IRAG1: variants seen among roughly 807,000 people sequenced by gnomAD.
IRAG1 encodes inositol 1,4,5-triphosphate receptor associated 1.
IRAG1 carries 62 observed loss-of-function variants against 106.2 expected under a neutral mutation model. That is an observed-to-expected ratio of 0.58 (90% confidence interval 0.48 to 0.72). The LOEUF (loss-of-function observed/expected upper bound fraction) is 0.72. Among genes scored for constraint, IRAG1 ranks in the 30% least tolerant of loss-of-function variants. IRAG1 has a pLI of 0.00. For missense variants in IRAG1, 1,064 were observed against 1,140.7 expected (o/e 0.93, Z 0.97); for synonymous variants, 462 against 443.9 (o/e 1.04, Z -0.51).
At chr11:10,578,147 T>C (rs140048823) in intron 20 of IRAG1, among the ~76,000 whole-genome samples, 17 of 152,352 alleles carry the variant, frequency 1.1e-4, no homozygotes, top group Non-Finnish European at 2.4e-4. Context: ...ATGCCTGGCC[T>C]ATAAAAGAGT....
At chr11:10,579,104 G>A (rs936558091) in intron 20 of IRAG1, among the ~76,000 whole-genome samples, 6 of 152,160 alleles carry the variant, frequency 3.9e-5, no homozygotes, top group Admixed American at 3.3e-4. Flanking sequence ...AAACTTGGAG[G>A]TTCTTTCACT....
chr11:10,663,785 C>T (rs1317865433), intron 1 of IRAG1, among the ~76,000 whole-genome samples: 2 of 152,230 alleles, frequency 1.3e-5, no homozygotes, highest in Non-Finnish European at 2.9e-5. Flanking sequence ...TCACTTTTCA[C>T]ATGGCCTACT....
At chr11:10,621,878 T>G (rs1203710814) in intron 10 of IRAG1, among the ~76,000 whole-genome samples, 1 of 152,178 alleles carries the variant, frequency 6.6e-6, no homozygotes, top group East Asian at 1.9e-4. Context: ...TATGATTCCA[T>G]TTCTAGGAGG....
Position 10,693,678 on chromosome 11 carries a change from T to C in IRAG1, c.-76A>G, listed in dbSNP as rs1317526340. Reference sequence around the variant, plus strand: ...GGCTGCAGAACCTCGGCCGCACGCCTCCTCTGAGAGGGGCTGGGACTTAGA... The same window carrying C: ...GGCTGCAGAACCTCGGCCGCACGCCCCCTCTGAGAGGGGCTGGGACTTAGA... On this transcript the variant is annotated 5_prime_UTR_variant, in exon 1 of 21. Coordinates refer to ENST00000423302, the MANE Select transcript of IRAG1 (RefSeq NM_130385.4). The C allele has an allele frequency of 6.7e-7, 1 of 1,488,414 alleles. No homozygotes were observed. 92.2% of individuals were successfully genotyped at this position (1,488,414 alleles called of 1,614,324 possible).
intron 18 of IRAG1, among the ~76,000 whole-genome samples, chr11:10,585,689 A>G (rs1851892756): frequency 6.6e-6 from 1 of 151,794 alleles, no homozygotes; most frequent in Non-Finnish European, 1.5e-5. Context: ...TGTGTGGTAG[A>G]GCTCAAATTT....
chr11:10,594,369 G>T, intron 15 of IRAG1, 174 bp from the exon 16 acceptor site: 3 of 583,536 alleles, frequency 5.1e-6, no homozygotes, highest in South Asian at 4.6e-5. Flanking sequence ...AGATGGGGCT[G>T]CAGAGTGGGG....
intron 1 of IRAG1, among the ~76,000 whole-genome samples, chr11:10,678,140 A>C (rs1245622452): frequency 6.6e-6 from 1 of 152,142 alleles, no homozygotes; most frequent in Non-Finnish European, 1.5e-5. Flanking sequence ...TTACACTGTG[A>C]TACAACTTCT....
At chr11:10,668,284 C>T (rs1859945050) in intron 1 of IRAG1, among the ~76,000 whole-genome samples, 1 of 152,166 alleles carries the variant, frequency 6.6e-6, no homozygotes, top group Non-Finnish European at 1.5e-5. Context: ...TTTCAATGTC[C>T]TCACAAATTA....
intron 1 of IRAG1, among the ~76,000 whole-genome samples, chr11:10,688,757 C>T (rs1861846013): frequency 2.0e-5 from 3 of 152,218 alleles, no homozygotes; most frequent in Admixed American, 2.0e-4. Flanking sequence ...CATTTATACA[C>T]TATGCTCACA....
At chr11:10,638,659 T>G (rs1225086083) in intron 2 of IRAG1, among the ~76,000 whole-genome samples, 1 of 152,224 alleles carries the variant, frequency 6.6e-6, no homozygotes, top group Non-Finnish European at 1.5e-5. Context: ...GAAATGCATT[T>G]TGTCTAAAAT....
chr11:10,690,393 T>G, intron 1 of IRAG1: 1 of 1,285,262 alleles, frequency 7.8e-7, no homozygotes, highest in Non-Finnish European at 1.0e-6. Context: ...AAATGTTTCC[T>G]GTCCGACCAA....
intron 10 of IRAG1, among the ~76,000 whole-genome samples, chr11:10,611,927 C>A (rs77233075): frequency 0.011 from 1,653 of 146,620 alleles, 19 homozygotes; most frequent in African/African-American, 0.039. Context: ...GGGCTGCCTG[C>A]CATTTTGCTT....
rs551855076 is a variant in IRAG1 at position 10,640,351 on chromosome 11, G to A, written c.226-6280C>T. ...GCTTACAAAGCAGGAAGCATAAAGCGATTAGGAGGAAATCCTCTAATCCCT... is the reference window on the plus strand; with the variant it reads ...GCTTACAAAGCAGGAAGCATAAAGCAATTAGGAGGAAATCCTCTAATCCCT... On this transcript the variant is annotated intron_variant, in intron 2 of 20. Transcript: ENST00000423302. Among the ~76,000 whole-genome samples, 18 of 152,360 alleles carry A rather than the reference G, an allele frequency of 1.2e-4. 1 individual carries two copies. The highest frequency in any genetic ancestry group is 9.8e-4 in the Admixed American group (15 of 15,310).
At chr11:10,678,051 TC>T (rs35517286) in intron 1 of IRAG1, among the ~76,000 whole-genome samples, 60,967 of 152,024 alleles carry the variant, frequency 0.4, 12,585 homozygotes, top group African/African-American at 0.47. Flanking sequence ...TGTCTATCCA[TC>T]CCACATTTTG....
intron 14 of IRAG1, among the ~76,000 whole-genome samples, chr11:10,601,879 CGAGG>C (rs1270183772): frequency 2.0e-5 from 3 of 152,152 alleles, no homozygotes; most frequent in African/African-American, 7.2e-5. Flanking sequence ...GCAGCCAAGA[CGAGG>C]GAGCCATTTG....
intron 18 of IRAG1, among the ~76,000 whole-genome samples, chr11:10,590,354 C>A (rs574230473): frequency 6.6e-6 from 1 of 152,050 alleles, no homozygotes; most frequent in Non-Finnish European, 1.5e-5. Flanking sequence ...GGCAAAGAGA[C>A]GAAATGCTGG....
chr11:10,681,933 C>T (rs1861291124), intron 1 of IRAG1, among the ~76,000 whole-genome samples: 1 of 152,158 alleles, frequency 6.6e-6, no homozygotes, highest in South Asian at 2.1e-4. Context: ...ATTGTCCCAG[C>T]TCTACTCTCT....
intron 3 of IRAG1, among the ~76,000 whole-genome samples, chr11:10,633,281 T>A (rs532538597): frequency 6.6e-6 from 1 of 152,150 alleles, no homozygotes; most frequent in Non-Finnish European, 1.5e-5. Context: ...TTCACTGTGT[T>A]AGCCAGGATG....
chr11:10,586,474 G>A (rs1852013754), intron 18 of IRAG1, among the ~76,000 whole-genome samples: 1 of 149,892 alleles, frequency 6.7e-6, no homozygotes, highest in Admixed American at 6.7e-5. Flanking sequence ...CTGGAGTGCA[G>A]TGGCATGATC....
Sources: gnomAD v4.1 joint callset for allele counts (sites outside exome capture counted in the v4.1 genomes callset) on GRCh38, gnomAD v4.1.1 for gene constraint, MANE v1.5 for transcripts, NCBI Gene and HGNC (gene_info 2026-07-23, HGNC 2026-07-21) for gene names.